The following EPHA7 variants were observed in gnomAD, a reference collection of about 807,000 sequenced individuals.
EPHA7 encodes the protein EPH receptor A7, also known as ephrin type-A receptor 7.
Under a neutral mutation model 112.6 loss-of-function variants are expected in EPHA7, and 25 were observed. The ratio of observed to expected loss-of-function variants is 0.22; its 90% CI spans 0.16 to 0.31. The LOEUF is 0.31. Ranked by LOEUF, EPHA7 falls within the 10% of genes least tolerant of loss-of-function variation. The pLI, the probability that EPHA7 is intolerant of heterozygous loss-of-function variation, is 1.00. For synonymous variants in EPHA7, 437 were observed against 406.5 expected (o/e 1.07, Z -0.90); for missense variants, 962 against 1,212.6 (o/e 0.79, Z 3.07).
At chr6:93,333,718 T>C (rs1774718223) in intron 5 of EPHA7, among the ~76,000 whole-genome samples, 1 of 151,872 alleles carries the variant, frequency 6.6e-6, no homozygotes, top group Non-Finnish European at 1.5e-5. Flanking sequence ...TGTAATAGGA[T>C]TGTTTAATAC....
intron 3 of EPHA7, among the ~76,000 whole-genome samples, chr6:93,359,739 T>G (rs1425121502): frequency 1.3e-5 from 2 of 152,014 alleles, no homozygotes; most frequent in Non-Finnish European, 2.9e-5. Context: ...CAAAATAATT[T>G]AGGGGGCATC....
intron 3 of EPHA7, among the ~76,000 whole-genome samples, chr6:93,376,378 C>A (rs1295813510): frequency 6.6e-6 from 1 of 151,952 alleles, no homozygotes; most frequent in Non-Finnish European, 1.5e-5. Flanking sequence ...TGGTGCCAGG[C>A]GACCCACCTG....
chr6:93,363,348 C>A (rs1776348510), intron 3 of EPHA7, among the ~76,000 whole-genome samples: 1 of 151,820 alleles, frequency 6.6e-6, no homozygotes, highest in Non-Finnish European at 1.5e-5. Flanking sequence ...TTAAAAAGTG[C>A]AAAAATTAAA....
At chr6:93,262,130 T>C (rs1770714069) in intron 9 of EPHA7, among the ~76,000 whole-genome samples, 1 of 151,552 alleles carries the variant, frequency 6.6e-6, no homozygotes, top group Non-Finnish European at 1.5e-5. Context: ...CTCTTCTATA[T>C]ACATTCTACA....
intron 4 of EPHA7, among the ~76,000 whole-genome samples, chr6:93,357,649 T>C (rs567480931): frequency 3.7e-4 from 50 of 136,216 alleles, no homozygotes; most frequent in Admixed American, 1.5e-3. Context: ...TGCAAGACCC[T>C]AATAACTTTT....
intron 5 of EPHA7, among the ~76,000 whole-genome samples, chr6:93,277,867 G>A (rs1242735963): frequency 6.6e-6 from 1 of 151,832 alleles, no homozygotes; most frequent in African/African-American, 2.4e-5. Context: ...AAAATATGAT[G>A]TTGAGCTGAA....
intron 3 of EPHA7, among the ~76,000 whole-genome samples, chr6:93,400,030 G>A (rs1778363011): frequency 6.6e-6 from 1 of 152,008 alleles, no homozygotes; most frequent in Non-Finnish European, 1.5e-5. Context: ...GTGTTATAAA[G>A]AGTGTATCAT....
chr6:93,404,197 A>G (rs1170490395), intron 3 of EPHA7, among the ~76,000 whole-genome samples: 2 of 152,092 alleles, frequency 1.3e-5, no homozygotes, highest in Admixed American at 6.6e-5. Flanking sequence ...GTTTTACAAA[A>G]TACAATCTGA....
chr6:93,360,617 G>A (rs1776215244), intron 3 of EPHA7, among the ~76,000 whole-genome samples: 1 of 152,038 alleles, frequency 6.6e-6, no homozygotes, highest in South Asian at 2.1e-4. Context: ...TCTAAATAAA[G>A]GCTAATTCCC....
chr6:93,342,390 T>C lies in EPHA7; in HGVS notation c.1324+14327A>G, dbSNP rs548415934. 1.6e-4 allele frequency among the ~76,000 whole-genome samples: 25 copies of C among 151,942 alleles called. No individual in the cohort carries two copies. The South Asian group carries it at 5.2e-3, about 31-fold the overall frequency. ...GTTACAAACAAAAGGTCACCTAGAC[T>C]GGAACCAGTTGGCTGGCAGCTTTCA... On this transcript the variant is annotated intron_variant, in intron 5 of 16. Transcript: ENST00000369303.
At chr6:93,315,984 A>G (rs1773788964) in intron 5 of EPHA7, among the ~76,000 whole-genome samples, 1 of 152,216 alleles carries the variant, frequency 6.6e-6, no homozygotes, top group African/African-American at 2.4e-5. Context: ...TGTAGAAACT[A>G]AAGTTCCTCT....
rs932934656 is a variant in EPHA7, at chr6:93,335,654, AT to A, written c.1324+21062del. On this transcript the variant is annotated intron_variant, in intron 5 of 16. Coordinates refer to ENST00000369303, the MANE Select transcript of EPHA7 (RefSeq NM_004440.4). The stretch of plus-strand genomic sequence containing the variant: ...CCAGTAATAATCATCCACAGTTTTC[AT>A]TTTTTTTTTAAATTTTTAATCCCAT... Among the ~76,000 whole-genome samples, 1,230 of 150,518 alleles carry A rather than the reference AT, an allele frequency of 8.2e-3. 19 individuals are homozygous for A. Among genetic ancestry groups the A allele is most frequent in the African/African-American group, 0.026 (1,081 of 41,228 alleles).
Position 93,415,506 on chromosome 6 carries a change from T to C in EPHA7, c.98-739A>G, listed in dbSNP as rs117128147. Among the ~76,000 whole-genome samples, 1,353 of 152,194 alleles carry C rather than the reference T, an allele frequency of 8.9e-3. 12 individuals are homozygous for C. The highest frequency in any genetic ancestry group is 0.012 in the Non-Finnish European group (835 of 67,906). On this transcript the variant is annotated intron_variant, in intron 1 of 16. Coordinates refer to ENST00000369303, the MANE Select transcript of EPHA7 (RefSeq NM_004440.4). The stretch of plus-strand genomic sequence containing the variant: ...CATAATGCGATTAATTTAAAATGTA[T>C]ATAAAGTGTTATAAATGCTCCTGAT...
rs80150513 is a variant in EPHA7, at chr6:93,299,734, C to A, written c.1325-27312G>T. Among the ~76,000 whole-genome samples the A allele has an allele frequency of 1.5e-3, 223 of 152,238 alleles. 1 individual carries two copies. The highest frequency in any genetic ancestry group is 5.2e-3 in the African/African-American group (215 of 41,538). ...ATATGGAATCAACTTAAATGCCCAT[C>A]AATGAAAGACTGGATAAAGAAAACG... On this transcript the variant is annotated intron_variant, in intron 5 of 16. Coordinates refer to ENST00000369303, the MANE Select transcript of EPHA7 (RefSeq NM_004440.4).
intron 6 of EPHA7, among the ~76,000 whole-genome samples, chr6:93,271,023 AT>A (rs1771192111): frequency 6.6e-6 from 1 of 151,748 alleles, no homozygotes; most frequent in Non-Finnish European, 1.5e-5. Flanking sequence ...CTTACCACCT[AT>A]GTGTTTCATT....
At chr6:93,348,747 CTAGA>C (rs1402758935) in intron 5 of EPHA7, among the ~76,000 whole-genome samples, 5 of 151,686 alleles carry the variant, frequency 3.3e-5, no homozygotes, top group African/African-American at 4.8e-5. Flanking sequence ...CTGTAACAAC[CTAGA>C]TAGTCTAAGA....
intron 5 of EPHA7, among the ~76,000 whole-genome samples, chr6:93,273,030 C>A (rs905625751): frequency 6.6e-5 from 10 of 151,942 alleles, no homozygotes; most frequent in Non-Finnish European, 2.9e-5. Context: ...CATGAACACA[C>A]ATACATACAC....
Position 93,259,383 on chromosome 6 carries a change from C to T in EPHA7, c.1895G>A (p.Cys632Tyr). 6.2e-7 allele frequency: 1 copy of T among 1,612,126 alleles called. No homozygotes were observed. Among genetic ancestry groups the T allele is most frequent in the Non-Finnish European group, 8.5e-7 (1 of 1,178,542 alleles). ...HQFAKELDASCIKIERVIGAG... is the reference protein window; with the variant it reads ...HQFAKELDASYIKIERVIGAG... ...ACCAATCACACGCTCAATTTTAATA[C>T]AGGAGGCATCTAGCTCCTTGGCGAA... The change falls in exon 10 of 17, where the codon TGT (cysteine) becomes TAT (tyrosine). Residue 632 changes from cysteine to tyrosine, a missense_variant. Physicochemically the swap from Cys to Tyr is radical, Grantham distance 194 (BLOSUM62 -2). Around this residue, in one of 3 missense-constraint regions of EPHA7, gnomAD observed 746 missense variants for 889.2 expected, o/e 0.84. Transcript: ENST00000369303.
Position 93,245,333 on chromosome 6 carries a change from G to A in EPHA7, c.2847C>T (p.Tyr949=), listed in dbSNP as rs760501056. 5.6e-6 allele frequency: 9 copies of A among 1,613,320 alleles called. No individual in the cohort carries two copies. The highest frequency in any genetic ancestry group is 1.7e-5 in the Admixed American group (1 of 59,982). ...TCCTGGCTACTGATTCAAGGGAATT[G>A]TAGCCAGCTGCCGTGAAATTATCTT... ...RYKDNFTAAG[Y]NSLESVARMT... Residue 949 remains tyrosine (Y), a synonymous_variant, in exon 16 of 17, where the codon TAC becomes TAT. Transcript: ENST00000369303.
Sources: allele counts gnomAD v4.1 joint callset (sites outside exome capture counted in the v4.1 genomes callset), GRCh38; gene constraint gnomAD v4.1.1; regional missense constraint gnomAD v4.1.1; transcripts MANE v1.5; gene names NCBI Gene and HGNC (gene_info 2026-07-23, HGNC 2026-07-21).